Variants in SANBR observed in about 807,000 individuals in gnomAD.
SANBR encodes SANT and BTB domain regulator of class switch recombination.
In SANBR, 77 loss-of-function variants were observed where a neutral mutation model predicts 101.8. The observed-to-expected ratio is 0.76, with a 90% CI of 0.63 to 0.91. The LOEUF (loss-of-function observed/expected upper bound fraction) is 0.91, where lower values mean the gene tolerates loss of function less well. Ranked by LOEUF, SANBR falls within the 40% of genes least tolerant of loss-of-function variation. The probability of loss-of-function intolerance (pLI) is 0.00; values close to 1 mark genes in which losing one functional copy is unlikely to be tolerated. For synonymous variants in SANBR, 279 were observed against 274.7 expected (o/e 1.02, Z -0.15); for missense variants, 875 against 853.0 (o/e 1.03, Z -0.32).
intron 13 of SANBR, among the ~76,000 whole-genome samples, chr2:61,104,490 A>G (rs990888013): frequency 2.6e-5 from 4 of 151,956 alleles, no homozygotes; most frequent in Admixed American, 2.0e-4. Context: ...AGCAAAAAAA[A>G]AAAAGAAAAG....
At position 61,083,552 on chromosome 2, in the gene SANBR, A is replaced by C. The variant is rs549107650; in HGVS notation, c.890+238A>C. ...GCTGGGACTACAGGAATGCACCACC[A>C]TGCCCAGCTAAATTAAAAAAAAAAA... On this transcript the variant is annotated intron_variant, in intron 8 of 21. Transcript: ENST00000402291. 8.9e-5 allele frequency among the ~76,000 whole-genome samples: 13 copies of C among 145,290 alleles called. No individual in the cohort carries two copies. The East Asian group carries it at 2.7e-3, about 30-fold the overall frequency.
chr2:61,121,454 A>G (rs940927364), intron 21 of SANBR, 178 bp downstream of exon 21: 6 of 471,994 alleles, frequency 1.3e-5, no homozygotes, highest in Non-Finnish European at 2.3e-5. Flanking sequence ...ATAAAATCTA[A>G]TGAAAATATA....
chr2:61,102,498 A>G (rs370786498), intron 12 of SANBR, among the ~76,000 whole-genome samples: 1 of 152,228 alleles, frequency 6.6e-6, no homozygotes. Flanking sequence ...AATTAAAGCC[A>G]GAATGAATGC....
Position 61,117,439 on chromosome 2 carries a change from G to A in SANBR, c.1866-28G>A, listed in dbSNP as rs1035546779. 5 of 1,612,732 alleles carry A rather than the reference G, an allele frequency of 3.1e-6. No individual in the cohort carries two copies. The African/African-American group carries it at 5.3e-5, about 17-fold the overall frequency. On this transcript the variant is annotated intron_variant, in intron 18 of 21. Coordinates refer to ENST00000402291, the MANE Select transcript of SANBR (RefSeq NM_001129993.3). ...TATCCACTCTTAAAGAAGCATCAAT[G>A]CTGATTTTTGTTCAATTTTTTCAAT...
At chr2:61,090,604 A>T (rs1350382335) in intron 10 of SANBR, 2 of 152,956 alleles carry the variant, frequency 1.3e-5, no homozygotes, top group Non-Finnish European at 2.9e-5. Flanking sequence ...TGCAGCCTTG[A>T]ACTCCTGGAC....
chr2:61,076,943 G>A lies in SANBR; in HGVS notation c.455G>A (p.Cys152Tyr). The change falls in exon 6 of 22, where the codon TGT becomes TAT. Residue 152 changes from cysteine to tyrosine, a missense_variant. Cys to Tyr is a radical substitution (Grantham distance 194). Coordinates refer to ENST00000402291, the MANE Select transcript of SANBR (RefSeq NM_001129993.3). ...SEGPNMVIHV[C>Y]DEAKNLKEDF... The stretch of plus-strand genomic sequence containing the variant: ...AGGCCAAACATGGTGATCCATGTGT[G>A]TGATGAAGCAAAAAACTTGAAAGAA... The A allele has an allele frequency of 6.2e-7, 1 of 1,613,756 alleles. No individual in the cohort carries two copies. The highest frequency in any genetic ancestry group is 8.5e-7 in the Non-Finnish European group (1 of 1,179,734).
intron 16 of SANBR, among the ~76,000 whole-genome samples, chr2:61,112,988 A>G (rs1683906816): frequency 6.6e-6 from 1 of 152,140 alleles, no homozygotes; most frequent in Admixed American, 6.5e-5. Flanking sequence ...TTATGATCCC[A>G]TTCAGGTTAA....
chr2:61,087,566 A>AT (rs1357647139), intron 8 of SANBR, among the ~76,000 whole-genome samples: 3 of 152,012 alleles, frequency 2.0e-5, no homozygotes, highest in African/African-American at 7.2e-5. Flanking sequence ...AAAAAATAAA[A>AT]TAAGGCCGGG....
At chr2:61,135,160 T>G (rs1684807207) in intron 21 of SANBR, among the ~76,000 whole-genome samples, 1 of 152,214 alleles carries the variant, frequency 6.6e-6, no homozygotes, top group South Asian at 2.1e-4. Flanking sequence ...GAATGGCAGA[T>G]ATAACTGTTG....
At chr2:61,091,550 G>A (rs1163507802) in intron 10 of SANBR, among the ~76,000 whole-genome samples, 1 of 150,312 alleles carries the variant, frequency 6.7e-6, no homozygotes, top group Admixed American at 6.7e-5. Flanking sequence ...AGCCAGGATC[G>A]CGCCACTTCA....
chr2:61,109,341 G>T, intron 16 of SANBR, 45 bp downstream of exon 16: 1 of 1,115,002 alleles, frequency 9.0e-7, no homozygotes, highest in Non-Finnish European at 1.3e-6. Flanking sequence ...TTTATGAAGG[G>T]GTTACATTCT....
intron 11 of SANBR, among the ~76,000 whole-genome samples, chr2:61,094,405 A>G (rs1222696468): frequency 1.3e-5 from 2 of 152,128 alleles, no homozygotes; most frequent in African/African-American, 4.8e-5. Context: ...AGCTTCCTTC[A>G]CTTCGAATAA....
Position 61,123,360 on chromosome 2 carries a change from G to A in SANBR, c.*1198G>A, listed in dbSNP as rs759682769. On this transcript the variant is annotated 3_prime_UTR_variant, in exon 22 of 22. Transcript: ENST00000402291. Reference sequence around the variant, plus strand: ...TTGAAATATTGAAGTGTTACACTCAGTTTACACGTACAGAAATCATTCTTT... The same window carrying A: ...TTGAAATATTGAAGTGTTACACTCAATTTACACGTACAGAAATCATTCTTT... 2.0e-6 allele frequency: 2 copies of A among 977,436 alleles called. No homozygotes were observed. Among genetic ancestry groups the A allele is most frequent in the African/African-American group, 3.5e-5 (2 of 57,040 alleles). The allele number at this position is 977,436 out of a possible 1,614,324, so 60.5% of individuals were successfully genotyped here.
At position 61,101,705 on chromosome 2, in the gene SANBR, G is replaced by A. The variant is rs984936518; in HGVS notation, c.1366-2148G>A. On this transcript the variant is annotated intron_variant, in intron 12 of 21. Transcript: ENST00000402291. The stretch of plus-strand genomic sequence containing the variant: ...CTGAGATCACTGCACGGCAGCCTGG[G>A]CAACAGAGCGAGACTCCGTCTGAAA... Among the ~76,000 whole-genome samples the A allele has an allele frequency of 2.0e-5, 3 of 149,818 alleles. No individual in the cohort carries two copies. In the East Asian group the frequency reaches 5.9e-4, roughly 30 times the overall value.
intron 14 of SANBR, among the ~76,000 whole-genome samples, chr2:61,108,038 TAA>T (rs1295814970): frequency 4.6e-5 from 7 of 152,196 alleles, no homozygotes; most frequent in Non-Finnish European, 7.3e-5. Context: ...TAAAAATAAC[TAA>T]AATTATTTTA....
rs1683633930 is a variant in SANBR, at chr2:61,107,584, C to T, written c.1612-733C>T. Among the ~76,000 whole-genome samples, 3 of 152,278 alleles carry T rather than the reference C, an allele frequency of 2.0e-5. No individual in the cohort carries two copies. In the South Asian group the frequency reaches 6.2e-4, roughly 32 times the overall value. ...AAAGTGAAATATTCCCTGTGAAGTG[C>T]TTTATAAACTTCAGACAGCTATACA... is the stretch of plus-strand genomic sequence containing the variant. On this transcript the variant is annotated intron_variant, in intron 14 of 21. Transcript: ENST00000402291.
chr2:61,096,264 G>C (rs1045504812), intron 11 of SANBR, among the ~76,000 whole-genome samples: 1 of 152,016 alleles, frequency 6.6e-6, no homozygotes, highest in Non-Finnish European at 1.5e-5. Flanking sequence ...CAAAAGTCTT[G>C]TCCCCTCTAG....
intron 10 of SANBR, among the ~76,000 whole-genome samples, chr2:61,090,075 A>G (rs1468921574): frequency 6.6e-6 from 1 of 151,992 alleles, no homozygotes; most frequent in Non-Finnish European, 1.5e-5. Context: ...ATTTGATCCC[A>G]GGAGTTTGAG....
intron 8 of SANBR, among the ~76,000 whole-genome samples, chr2:61,086,661 C>T (rs1316086257): frequency 6.6e-6 from 1 of 152,114 alleles, no homozygotes. Context: ...ATTTAGAAAA[C>T]TTTTTTCCGG....
Sources: allele counts gnomAD v4.1 joint callset (sites outside exome capture counted in the v4.1 genomes callset), GRCh38; gene constraint gnomAD v4.1.1; transcripts MANE v1.5; gene names NCBI Gene and HGNC (gene_info 2026-07-23, HGNC 2026-07-21).